BICC1: variants seen among roughly 807,000 people sequenced by gnomAD.
BICC1 encodes the protein BicC family RNA binding protein 1, also known as protein bicaudal C homolog 1.
A neutral mutation model predicts 111.0 loss-of-function variants in BICC1; 43 were observed. The observed-to-expected ratio is 0.39, with a 90% CI of 0.30 to 0.50. The LOEUF (loss-of-function observed/expected upper bound fraction) is 0.50, where lower values mean the gene tolerates loss of function less well. BICC1 is among the 20% of genes least tolerant of loss of function. The pLI, the probability that BICC1 is intolerant of heterozygous loss-of-function variation, is 0.88. For missense variants in BICC1, 1,091 were observed against 1,203.2 expected, an observed-to-expected ratio of 0.91 and a Z score of 1.38; for synonymous variants, 467 against 434.4, an observed-to-expected ratio of 1.07 and a Z score of -0.93.
intron 3 of BICC1, among the ~76,000 whole-genome samples, chr10:58,711,419 A>G (rs1475774094): frequency 1.3e-5 from 2 of 152,210 alleles, no homozygotes; most frequent in Non-Finnish European, 2.9e-5. Context: ...TTTTCAGTGC[A>G]TCTCTTTCTA....
chr10:58,724,864 T>C (rs1199286329), intron 3 of BICC1, among the ~76,000 whole-genome samples: 2 of 152,072 alleles, frequency 1.3e-5, no homozygotes, highest in Non-Finnish European at 2.9e-5. Flanking sequence ...CATGGTGGAG[T>C]CTGGGTAAGA....
At chr10:58,604,127 A>T (rs1845132052) in intron 1 of BICC1, among the ~76,000 whole-genome samples, 2 of 152,136 alleles carry the variant, frequency 1.3e-5, no homozygotes, top group African/African-American at 4.8e-5. Context: ...TCAAAGCAAT[A>T]GAGCCCTCCA....
At chr10:58,562,702 T>C (rs2131953850) in intron 1 of BICC1, among the ~76,000 whole-genome samples, 1 of 152,316 alleles carries the variant, frequency 6.6e-6, no homozygotes, top group East Asian at 1.9e-4. Context: ...TGGTCTTACA[T>C]TGATATCTGT....
chr10:58,615,799 T>C (rs906028939), intron 1 of BICC1, among the ~76,000 whole-genome samples: 10 of 152,186 alleles, frequency 6.6e-5, no homozygotes, highest in Non-Finnish European at 1.5e-4. Context: ...GCAGCTGTAC[T>C]GCTTAATGGG....
intron 3 of BICC1, among the ~76,000 whole-genome samples, chr10:58,748,339 C>A (rs551217521): frequency 2.1e-4 from 32 of 152,030 alleles, no homozygotes; most frequent in Admixed American, 4.6e-4. Flanking sequence ...TAATGCTATA[C>A]TATACATTCT....
rs1414968045 is a variant in BICC1, at chr10:58,796,349, G to T, written c.1189G>T (p.Val397Leu). ...KPKQPSKSVI[V>L]KSVERNALNM... ...TTATGTGTTTTCATAGTCTGTGATT[G>T]TGAAAAGTGTTGAGCGAAATGCCTT... Residue 397 changes from valine to leucine, a missense_variant, in exon 10 of 21, where the codon GTG becomes TTG. Physicochemically the swap from Val to Leu is conservative, Grantham distance 32 (BLOSUM62 1). Transcript: ENST00000373886. The T allele has an allele frequency of 6.2e-7, 1 of 1,613,112 alleles. No homozygotes were observed. Among genetic ancestry groups the T allele is most frequent in the Admixed American group, 1.7e-5 (1 of 59,884 alleles).
chr10:58,738,992 A>G (rs9416737), intron 3 of BICC1, among the ~76,000 whole-genome samples: 145,863 of 151,910 alleles, frequency 0.96, 70,358 homozygotes, highest in Middle Eastern at 1. Context: ...GGGCTGAGAC[A>G]GTGGGGTTTT....
intron 1 of BICC1, among the ~76,000 whole-genome samples, chr10:58,587,969 A>G (rs1490385549): frequency 1.3e-5 from 2 of 152,186 alleles, no homozygotes; most frequent in East Asian, 3.9e-4. Flanking sequence ...ATCTTCCACC[A>G]TTGAAGAGGA....
At chr10:58,584,748 G>C (rs1220614712) in intron 1 of BICC1, among the ~76,000 whole-genome samples, 1 of 151,136 alleles carries the variant, frequency 6.6e-6, no homozygotes, top group East Asian at 1.9e-4. Context: ...GGAAACACCT[G>C]GGTAAATTGG....
At chr10:58,750,781 AG>A (rs1008872275) in intron 3 of BICC1, among the ~76,000 whole-genome samples, 2 of 152,162 alleles carry the variant, frequency 1.3e-5, no homozygotes, top group African/African-American at 4.8e-5. Flanking sequence ...TCAAGTGAAA[AG>A]CTTGTTAATT....
intron 15 of BICC1, among the ~76,000 whole-genome samples, chr10:58,805,717 A>G (rs1367659087): frequency 6.6e-6 from 1 of 152,342 alleles, no homozygotes; most frequent in East Asian, 1.9e-4. Context: ...TACCTTATAT[A>G]TGATGGTATA....
chr10:58,633,831 A>G lies in BICC1; in HGVS notation c.237+12930A>G, dbSNP rs542729061. ...AAAAGATTCCCTGAAATCATTCACT[A>G]TCAGTTTAGCACACTCTGGTATTAG... On this transcript the variant is annotated intron_variant, in intron 2 of 20. Transcript: ENST00000373886. Among the ~76,000 whole-genome samples the G allele has an allele frequency of 5.3e-5, 8 of 152,226 alleles. No homozygotes were observed. In the East Asian group the frequency reaches 5.8e-4, roughly 11 times the overall value.
intron 1 of BICC1, among the ~76,000 whole-genome samples, chr10:58,571,299 A>G (rs139337343): frequency 6.6e-6 from 1 of 152,118 alleles, no homozygotes; most frequent in Admixed American, 6.6e-5. Flanking sequence ...TTAGATAATC[A>G]GGTTTTATAT....
chr10:58,591,734 A>T (rs561644673), intron 1 of BICC1, among the ~76,000 whole-genome samples: 1 of 152,298 alleles, frequency 6.6e-6, no homozygotes, highest in African/African-American at 2.4e-5. Flanking sequence ...TGTTCTCTCA[A>T]TATTATGATT....
In BICC1 at chr10:58,829,993, A is replaced by C. The variant is rs1844511461; in HGVS notation, c.*1102A>C. 1 of 152,062 alleles carries C rather than the reference A, an allele frequency of 6.6e-6. No individual in the cohort carries two copies. The allele number at this position is 152,062 out of a possible 1,614,324, so 9.4% of individuals were successfully genotyped here. Reference sequence around the variant, plus strand: ...GCCATTATAAGGAGAAATAGATTACAATCCTTATCATGTACACGTTAGCTA... The same window carrying C: ...GCCATTATAAGGAGAAATAGATTACCATCCTTATCATGTACACGTTAGCTA... On this transcript the variant is annotated 3_prime_UTR_variant, in exon 21 of 21. Coordinates refer to ENST00000373886, the MANE Select transcript of BICC1 (RefSeq NM_001080512.3).
intron 1 of BICC1, among the ~76,000 whole-genome samples, chr10:58,582,441 A>G (rs975213232): frequency 1.3e-5 from 2 of 152,206 alleles, no homozygotes; most frequent in Admixed American, 6.5e-5. Context: ...TTGATCACCA[A>G]CCACTCAGGT....
chr10:58,818,849 C>T (rs1398272776), intron 19 of BICC1, among the ~76,000 whole-genome samples: 2 of 151,900 alleles, frequency 1.3e-5, no homozygotes, highest in African/African-American at 4.8e-5. Flanking sequence ...TTAATGTGTC[C>T]AGGCACAGAA....
chr10:58,679,136 A>G (rs1839435034), intron 2 of BICC1, among the ~76,000 whole-genome samples: 2 of 152,208 alleles, frequency 1.3e-5, no homozygotes, highest in African/African-American at 4.8e-5. Flanking sequence ...CTAGAGAAGC[A>G]AGAATAAACA....
At chr10:58,805,920 A>G (rs1208390692) in intron 15 of BICC1, among the ~76,000 whole-genome samples, 1 of 152,244 alleles carries the variant, frequency 6.6e-6, no homozygotes, top group African/African-American at 2.4e-5. Context: ...ACACTTGACT[A>G]CATCGTAGTT....
Sources: gnomAD v4.1 joint callset for allele counts (sites outside exome capture counted in the v4.1 genomes callset) on GRCh38, gnomAD v4.1.1 for gene constraint, MANE v1.5 for transcripts, NCBI Gene and HGNC (gene_info 2026-07-23, HGNC 2026-07-21) for gene names.